Variants in CSMD1 observed in about 807,000 individuals in gnomAD.
The protein encoded by CSMD1 is CUB and Sushi multiple domains 1.
CSMD1 carries 213 observed loss-of-function variants against 417.5 expected under a neutral mutation model. The observed-to-expected ratio is 0.51, with a 90% CI of 0.46 to 0.57. The LOEUF (loss-of-function observed/expected upper bound fraction) is 0.57. Ranked by LOEUF, CSMD1 falls within the 20% of genes least tolerant of loss-of-function variation. CSMD1 has a pLI of 0.00. For synonymous variants in CSMD1, 2,862 were observed against 1,736.8 expected (o/e 1.65, Z -16.11); for missense variants, 6,923 against 4,529.7 (o/e 1.53, Z -15.17).
At chr8:3,270,597 G>C (rs958222421) in intron 26 of CSMD1, among the ~76,000 whole-genome samples, 17 of 152,302 alleles carry the variant, frequency 1.1e-4, no homozygotes, top group African/African-American at 3.8e-4. Context: ...GGTCGACACA[G>C]ATGCAGCCCT....
At chr8:4,841,464 T>G (rs891770752) in intron 1 of CSMD1, among the ~76,000 whole-genome samples, 1 of 152,160 alleles carries the variant, frequency 6.6e-6, no homozygotes, top group African/African-American at 2.4e-5. Flanking sequence ...GTTAAACGAA[T>G]AAACTAGCAA....
At chr8:4,054,877 C>T (rs2740882) in intron 3 of CSMD1, among the ~76,000 whole-genome samples, 131,518 of 152,028 alleles carry the variant, frequency 0.87, 57,025 homozygotes, top group South Asian at 0.93. Flanking sequence ...TGTTCTGTGA[C>T]ATACAAAGGC....
intron 33 of CSMD1, among the ~76,000 whole-genome samples, chr8:3,196,841 G>T (rs1796731871): frequency 6.6e-6 from 1 of 152,130 alleles, no homozygotes; most frequent in Non-Finnish European, 1.5e-5. Flanking sequence ...TAATGACCAT[G>T]CCCGTTCATT....
intron 2 of CSMD1, among the ~76,000 whole-genome samples, chr8:4,635,163 C>T (rs1375125803): frequency 1.3e-5 from 2 of 152,084 alleles, no homozygotes; most frequent in Non-Finnish European, 2.9e-5. Context: ...TTCTTATCAA[C>T]CTCCCTTGCT....
At chr8:4,393,143 T>C (rs1803967517) in intron 3 of CSMD1, among the ~76,000 whole-genome samples, 1 of 151,664 alleles carries the variant, frequency 6.6e-6, no homozygotes, top group South Asian at 2.1e-4. Context: ...GCCCGACTAA[T>C]TTTTGTATTT....
intron 4 of CSMD1, among the ~76,000 whole-genome samples, chr8:4,016,335 G>C (rs80196385): frequency 0.048 from 7,340 of 152,116 alleles, 307 homozygotes; most frequent in Non-Finnish European, 0.068. Context: ...CTGACCAACT[G>C]ACTCTCAGAC....
At chr8:3,777,586 CG>C (rs1349820965) in intron 5 of CSMD1, among the ~76,000 whole-genome samples, 2 of 152,178 alleles carry the variant, frequency 1.3e-5, no homozygotes, top group African/African-American at 4.8e-5. Context: ...AGCTGCCATA[CG>C]GAAGCAGTCT....
intron 3 of CSMD1, among the ~76,000 whole-genome samples, chr8:4,109,328 G>A (rs1271240428): frequency 2.0e-5 from 3 of 151,962 alleles, no homozygotes; most frequent in Non-Finnish European, 2.9e-5. Flanking sequence ...CCTCAAAGCT[G>A]AGCTATCATT....
intron 7 of CSMD1, among the ~76,000 whole-genome samples, chr8:3,636,968 G>C (rs1047053786): frequency 6.6e-6 from 1 of 152,044 alleles, no homozygotes; most frequent in South Asian, 2.1e-4. Flanking sequence ...CTATAAATGC[G>C]AATTTGTCTC....
chr8:3,746,460 T>C (rs1326680306), intron 6 of CSMD1, among the ~76,000 whole-genome samples: 1 of 152,188 alleles, frequency 6.6e-6, no homozygotes, highest in Non-Finnish European at 1.5e-5. Flanking sequence ...GTTTTATATA[T>C]AACAGTAAAC....
chr8:4,026,798 G>C (rs1014188098), intron 4 of CSMD1, among the ~76,000 whole-genome samples: 2 of 152,190 alleles, frequency 1.3e-5, no homozygotes, highest in African/African-American at 4.8e-5. Context: ...GTTGACAAAT[G>C]ATTAAGATTT....
intron 3 of CSMD1, among the ~76,000 whole-genome samples, chr8:4,203,575 G>C (rs114808131): frequency 0.011 from 1,714 of 152,210 alleles, 27 homozygotes; most frequent in African/African-American, 0.04. Context: ...AGTCAGTGTA[G>C]CTGGGAGACT....
chr8:4,716,020 G>C (rs1047629138), intron 1 of CSMD1, among the ~76,000 whole-genome samples: 2 of 152,170 alleles, frequency 1.3e-5, no homozygotes, highest in African/African-American at 4.8e-5. Flanking sequence ...ACAGGGGCCA[G>C]GGCAGATTCC....
chr8:3,723,717 C>A (rs2623758), intron 6 of CSMD1, among the ~76,000 whole-genome samples: 1 of 152,106 alleles, frequency 6.6e-6, no homozygotes, highest in Non-Finnish European at 1.5e-5. Context: ...TGCTTTTTTA[C>A]TTATTGCACA....
intron 10 of CSMD1, among the ~76,000 whole-genome samples, chr8:3,512,593 T>C (rs1226674683): frequency 7.1e-6 from 1 of 140,528 alleles, no homozygotes; most frequent in African/African-American, 2.9e-5. Context: ...CTTACTTTAA[T>C]TTTTTTCTTT....
chr8:3,613,504 A>T (rs547329262), intron 8 of CSMD1, among the ~76,000 whole-genome samples: 1 of 152,200 alleles, frequency 6.6e-6, no homozygotes, highest in East Asian at 1.9e-4. Flanking sequence ...AAAAAACTAA[A>T]CAACATTTTA....
At chr8:4,453,222 C>CAGAG (rs1240680455) in intron 2 of CSMD1, among the ~76,000 whole-genome samples, 1 of 100,270 alleles carries the variant, frequency 1.0e-5, no homozygotes, top group Non-Finnish European at 2.5e-5. Context: ...CAGAGACACA[C>CAGAG]ACACACACAC....
chr8:4,685,885 G>A (rs1327261364), intron 1 of CSMD1, among the ~76,000 whole-genome samples: 1 of 152,154 alleles, frequency 6.6e-6, no homozygotes, highest in Non-Finnish European at 1.5e-5. Context: ...TTGGGCCATG[G>A]CCACCTTGAT....
intron 2 of CSMD1, among the ~76,000 whole-genome samples, chr8:4,446,092 A>G (rs1160168170): frequency 6.6e-6 from 1 of 152,198 alleles, no homozygotes; most frequent in African/African-American, 2.4e-5. Flanking sequence ...CTCCGTGTTC[A>G]CTGTAGACAG....
Sources: gnomAD v4.1 joint callset for allele counts (sites outside exome capture counted in the v4.1 genomes callset) on GRCh38, gnomAD v4.1.1 for gene constraint, MANE v1.5 for transcripts, NCBI Gene and HGNC (gene_info 2026-07-23, HGNC 2026-07-21) for gene names.